KAT7: variants seen among roughly 807,000 people sequenced by gnomAD.
KAT7 encodes the protein lysine acetyltransferase 7, also known as histone acetyltransferase KAT7.
Under a neutral mutation model 82.1 loss-of-function variants are expected in KAT7, and 10 were observed. The ratio of observed to expected loss-of-function variants is 0.12; its 90% CI spans 0.08 to 0.21. KAT7 has a LOEUF of 0.21. Ranked by LOEUF, KAT7 falls within the 10% of genes least tolerant of loss-of-function variation. The pLI, the probability that KAT7 is intolerant of heterozygous loss-of-function variation, is 1.00. For synonymous variants in KAT7, 250 were observed against 262.5 expected (o/e 0.95, Z 0.46); for missense variants, 378 against 760.9 (o/e 0.50, Z 5.92).
At chr17:49,798,947 A>C (rs747503839) in intron 4 of KAT7, among the ~76,000 whole-genome samples, 8 of 152,216 alleles carry the variant, frequency 5.3e-5, no homozygotes, top group Non-Finnish European at 8.8e-5. Flanking sequence ...CATAGCTGTT[A>C]AGGAAATGAG....
chr17:49,808,104 C>A (rs1335971001), intron 5 of KAT7, among the ~76,000 whole-genome samples: 1 of 148,398 alleles, frequency 6.7e-6, no homozygotes, highest in Non-Finnish European at 1.5e-5. Flanking sequence ...TCCCTGGAGA[C>A]TTGAACCCAG....
intron 4 of KAT7, among the ~76,000 whole-genome samples, chr17:49,801,403 C>G (rs1364144701): frequency 6.6e-6 from 1 of 152,078 alleles, no homozygotes; most frequent in Non-Finnish European, 1.5e-5. Context: ...CTAGGCTGGT[C>G]TCAAACTCTT....
intron 1 of KAT7, among the ~76,000 whole-genome samples, chr17:49,790,995 G>A (rs928656508): frequency 6.6e-6 from 1 of 152,176 alleles, no homozygotes; most frequent in African/African-American, 2.4e-5. Flanking sequence ...ACAAATCCTT[G>A]CTCATTGAAA....
At chr17:49,820,981 A>G (rs930559915) in intron 9 of KAT7, among the ~76,000 whole-genome samples, 1 of 152,100 alleles carries the variant, frequency 6.6e-6, no homozygotes, top group African/African-American at 2.4e-5. Context: ...AGCTGCTGGA[A>G]ATAAGCTGCT....
chr17:49,826,678 C>G lies in KAT7; in HGVS notation c.1628-15C>G. ...CTGCACTTTGGCCAGGTTGTCAGTACTTCTTCTGTTTCAGAAATCAGTCAG... is the reference window on the plus strand; with the variant it reads ...CTGCACTTTGGCCAGGTTGTCAGTAGTTCTTCTGTTTCAGAAATCAGTCAG... On this transcript the variant is annotated splice_polypyrimidine_tract_variant and intron_variant, in intron 13 of 14. Coordinates refer to ENST00000259021, the MANE Select transcript of KAT7 (RefSeq NM_007067.5). 2 of 1,592,568 alleles carry G rather than the reference C, an allele frequency of 1.3e-6. No homozygotes were observed.
Position 49,823,187 on chromosome 17 carries a change from T to G in KAT7, c.1387-15T>G. ...AATCCTCATGACGTGTTCATCTGTT[T>G]GCTCTTGATTTTAGGAAAAGAATTC... is the stretch of plus-strand genomic sequence containing the variant. On this transcript the variant is annotated splice_polypyrimidine_tract_variant and intron_variant, in intron 11 of 14. Coordinates refer to ENST00000259021, the MANE Select transcript of KAT7 (RefSeq NM_007067.5). 7.0e-7 allele frequency: 1 copy of G among 1,426,694 alleles called. No homozygotes were observed. The highest frequency in any genetic ancestry group is 9.9e-7 in the Non-Finnish European group (1 of 1,010,942). The allele number at this position is 1,426,694 out of a possible 1,614,324, so 88.4% of individuals were successfully genotyped here.
intron 6 of KAT7, among the ~76,000 whole-genome samples, chr17:49,810,722 G>T (rs1400174982): frequency 1.3e-5 from 2 of 152,276 alleles, no homozygotes; most frequent in East Asian, 1.9e-4. Flanking sequence ...TGGTGGAGAC[G>T]TCTATCCTTA....
intron 7 of KAT7, 128 bp from the exon 8 acceptor site, chr17:49,815,675 G>C: frequency 6.3e-6 from 4 of 630,048 alleles, no homozygotes; most frequent in Non-Finnish European, 1.1e-5. Context: ...TCAATCCCTA[G>C]CACCTAGTAT....
chr17:49,811,044 T>C (rs1320085710), intron 6 of KAT7, among the ~76,000 whole-genome samples: 4 of 152,066 alleles, frequency 2.6e-5, no homozygotes, highest in Admixed American at 1.3e-4. Flanking sequence ...ATGATTTGCA[T>C]TGTGGCTAGA....
chr17:49,800,984 C>T (rs1488662074), intron 4 of KAT7, among the ~76,000 whole-genome samples: 1 of 152,062 alleles, frequency 6.6e-6, no homozygotes, highest in East Asian at 1.9e-4. Context: ...AGCAAGTGCT[C>T]TGGGCAAGAG....
In KAT7 at chr17:49,827,697, C is replaced by T; in HGVS notation, c.*195C>T. 8 of 591,434 alleles carry T rather than the reference C, an allele frequency of 1.4e-5. No individual in the cohort carries two copies. Among genetic ancestry groups the T allele is most frequent in the Non-Finnish European group, 2.4e-5 (8 of 331,708 alleles). The allele number at this position is 591,434 out of a possible 1,614,324, so 36.6% of individuals were successfully genotyped here. On this transcript the variant is annotated 3_prime_UTR_variant, in exon 15 of 15. Coordinates refer to ENST00000259021, the MANE Select transcript of KAT7 (RefSeq NM_007067.5). ...GGTTCTGAGGAACTGTTGTTTCGGCCTCAGTGAGGTTGCCTGGATGGGATC... is the reference window on the plus strand; with the variant it reads ...GGTTCTGAGGAACTGTTGTTTCGGCTTCAGTGAGGTTGCCTGGATGGGATC...
At chr17:49,825,810 A>G (rs185242715) in intron 12 of KAT7, among the ~76,000 whole-genome samples, 190 bp from the exon 13 acceptor site, 1 of 152,346 alleles carries the variant, frequency 6.6e-6, no homozygotes, top group Non-Finnish European at 1.5e-5. Flanking sequence ...AAATGCAAAT[A>G]CACATTCTTC....
Position 49,831,061 on chromosome 17 carries a change from C to G in KAT7, c.*3559C>G, listed in dbSNP as rs561152388. On this transcript the variant is annotated 3_prime_UTR_variant, in exon 15 of 15. Coordinates refer to ENST00000259021, the MANE Select transcript of KAT7 (RefSeq NM_007067.5). ...CTTTGGGAGGCCAAGGCGGGCAGATCGCTTGAGTCCAGGAATTCGAGACTA... is the reference window on the plus strand; with the variant it reads ...CTTTGGGAGGCCAAGGCGGGCAGATGGCTTGAGTCCAGGAATTCGAGACTA... The G allele has an allele frequency of 6.6e-6, 1 of 152,340 alleles. No individual in the cohort carries two copies. Among genetic ancestry groups the G allele is most frequent in the African/African-American group, 2.4e-5 (1 of 41,548 alleles). The allele number at this position is 152,340 out of a possible 1,614,324, so 9.4% of individuals were successfully genotyped here.
chr17:49,811,418 A>AT, intron 6 of KAT7, 58 bp from the exon 7 acceptor site: 2 of 934,324 alleles, frequency 2.1e-6, no homozygotes, highest in Non-Finnish European at 3.2e-6. Flanking sequence ...TGGCACTTTC[A>AT]TTTTGAAGCT....
Position 49,830,232 on chromosome 17 carries a change from C to T in KAT7, c.*2730C>T, listed in dbSNP as rs933486292. ...TTAAAAAAAGACAGTCTCACTCTATCATCCAGTCCGGAATGCAGTGGCATG... is the reference window on the plus strand; with the variant it reads ...TTAAAAAAAGACAGTCTCACTCTATTATCCAGTCCGGAATGCAGTGGCATG... On this transcript the variant is annotated 3_prime_UTR_variant, in exon 15 of 15. Transcript: ENST00000259021. 15 of 120,986 alleles carry T rather than the reference C, an allele frequency of 1.2e-4. No individual in the cohort carries two copies. Among genetic ancestry groups the T allele is most frequent in the Non-Finnish European group, 2.1e-4 (13 of 61,740 alleles). 7.5% of individuals were successfully genotyped at this position (120,986 alleles called of 1,614,324 possible).
chr17:49,823,937 A>G (rs2074336708), intron 12 of KAT7, among the ~76,000 whole-genome samples: 1 of 151,202 alleles, frequency 6.6e-6, no homozygotes. Context: ...AATGGCCCCT[A>G]TGAGTAGTAC....
chr17:49,833,633 A>AT lies in KAT7; in HGVS notation c.*6132dup, dbSNP rs1349452192. ...ATTACTGAATGGTGAGAGACGATGCATAGGAGAACCAAGGTGCTCTAGTCA... is the reference window on the plus strand; with the variant it reads ...ATTACTGAATGGTGAGAGACGATGCATTAGGAGAACCAAGGTGCTCTAGTCA... On this transcript the variant is annotated 3_prime_UTR_variant, in exon 15 of 15. Transcript: ENST00000259021. The AT allele has an allele frequency of 6.6e-6, 1 of 152,214 alleles. No individual in the cohort carries two copies. The highest frequency in any genetic ancestry group is 1.5e-5 in the Non-Finnish European group (1 of 68,052). The allele number at this position is 152,214 out of a possible 1,614,324, so 9.4% of individuals were successfully genotyped here.
chr17:49,796,135 C>T (rs907297414), intron 2 of KAT7, among the ~76,000 whole-genome samples: 2 of 152,032 alleles, frequency 1.3e-5, no homozygotes, highest in Admixed American at 6.6e-5. Context: ...ATCCAAAAAA[C>T]TTAAAATGCT....
At chr17:49,825,797 T>C (rs755410173) in intron 12 of KAT7, among the ~76,000 whole-genome samples, 1 of 152,218 alleles carries the variant, frequency 6.6e-6, no homozygotes, top group South Asian at 2.1e-4. Context: ...TCCTGTGTCA[T>C]GTAAATGCAA....
Sources: allele counts gnomAD v4.1 joint callset (sites outside exome capture counted in the v4.1 genomes callset), GRCh38; gene constraint gnomAD v4.1.1; transcripts MANE v1.5; gene names NCBI Gene and HGNC (gene_info 2026-07-23, HGNC 2026-07-21).